CNBD2: variants seen among roughly 807,000 people sequenced by gnomAD.
The protein encoded by CNBD2 is cyclic nucleotide-binding domain-containing protein 2.
CNBD2 carries 64 observed loss-of-function variants against 63.7 expected under a neutral mutation model. The observed-to-expected ratio is 1.00, with a 90% CI of 0.82 to 1.24. The LOEUF is 1.24. CNBD2 is among the 50% of genes most tolerant of loss of function. CNBD2 has a pLI of 0.00. For synonymous variants in CNBD2, 229 were observed against 255.4 expected (o/e 0.90, Z 0.99); for missense variants, 691 against 713.5 (o/e 0.97, Z 0.36).
intron 3 of CNBD2, among the ~76,000 whole-genome samples, chr20:35,976,935 G>A (rs763224914): frequency 2.1e-4 from 32 of 152,060 alleles, no homozygotes; most frequent in Non-Finnish European, 3.8e-4. Flanking sequence ...TCTTCTTGGA[G>A]CCCAGGTATG....
intron 7 of CNBD2, among the ~76,000 whole-genome samples, chr20:35,988,475 A>G (rs941615946): frequency 6.6e-6 from 1 of 152,156 alleles, no homozygotes; most frequent in African/African-American, 2.4e-5. Context: ...CCAACCTTAA[A>G]TTATCTTTAA....
chr20:35,975,859 G>A (rs2056509779), intron 2 of CNBD2, 90 bp from the exon 3 acceptor site: 1 of 1,182,518 alleles, frequency 8.5e-7, no homozygotes, highest in Non-Finnish European at 1.2e-6. Flanking sequence ...GCCCACCATG[G>A]TGGTCCAGGT....
intron 10 of CNBD2, among the ~76,000 whole-genome samples, chr20:36,017,190 CG>C (rs1241487667): frequency 6.6e-6 from 1 of 151,898 alleles, no homozygotes; most frequent in African/African-American, 2.4e-5. Context: ...GAGCAGTGTG[CG>C]GGTGCAGAGG....
chr20:35,993,636 T>G (rs536634769), intron 7 of CNBD2, among the ~76,000 whole-genome samples: 2 of 152,312 alleles, frequency 1.3e-5, no homozygotes, highest in African/African-American at 4.8e-5. Flanking sequence ...TCTTATATGT[T>G]CATAGAGAAA....
intron 10 of CNBD2, among the ~76,000 whole-genome samples, chr20:36,020,270 A>AC (rs2057189966): frequency 6.6e-6 from 1 of 151,976 alleles, no homozygotes; most frequent in Non-Finnish European, 1.5e-5. Flanking sequence ...TTTAATAGAG[A>AC]TGGGGTTTCA....
At chr20:35,961,023 A>G (rs1283481897) in intron 2 of CNBD2, among the ~76,000 whole-genome samples, 1 of 151,556 alleles carries the variant, frequency 6.6e-6, no homozygotes, top group Non-Finnish European at 1.5e-5. Context: ...TCTGCCTCCC[A>G]GGTTCAAGCT....
chr20:36,018,049 C>A (rs926518418), intron 10 of CNBD2, among the ~76,000 whole-genome samples: 2 of 152,244 alleles, frequency 1.3e-5, no homozygotes, highest in African/African-American at 4.8e-5. Flanking sequence ...ATATGCCCCA[C>A]GCCCAGTTTC....
intron 8 of CNBD2, among the ~76,000 whole-genome samples, chr20:35,996,759 C>T (rs909294625): frequency 1.9e-4 from 29 of 152,110 alleles, no homozygotes; most frequent in Non-Finnish European, 3.7e-4. Flanking sequence ...CCGACTGCCT[C>T]GGCCTCCCAG....
chr20:36,014,465 C>T (rs1254452761), intron 10 of CNBD2, among the ~76,000 whole-genome samples: 1 of 150,502 alleles, frequency 6.6e-6, no homozygotes. Flanking sequence ...GAGTAGCTGG[C>T]ATTACAGGCA....
chr20:36,018,974 T>C (rs144299210), intron 10 of CNBD2, among the ~76,000 whole-genome samples: 8 of 152,306 alleles, frequency 5.3e-5, no homozygotes, highest in African/African-American at 1.9e-4. Context: ...AGATATTCCT[T>C]GAGCACCTAC....
At chr20:36,025,708 G>A (rs2057274953) in intron 11 of CNBD2, among the ~76,000 whole-genome samples, 1 of 151,436 alleles carries the variant, frequency 6.6e-6, no homozygotes, top group Non-Finnish European at 1.5e-5. Context: ...CTTTTATAAT[G>A]GGAACAAATA....
intron 8 of CNBD2, among the ~76,000 whole-genome samples, chr20:36,007,821 C>T (rs2057005151): frequency 6.6e-6 from 1 of 152,208 alleles, no homozygotes; most frequent in Non-Finnish European, 1.5e-5. Context: ...CATGCACAGC[C>T]TGTAATTCTT....
At chr20:35,983,879 C>A in intron 4 of CNBD2, 103 bp from the exon 5 acceptor site, 2 of 1,373,214 alleles carry the variant, frequency 1.5e-6, no homozygotes, top group African/African-American at 1.4e-5. Context: ...CAAGTCTGTG[C>A]TCTTATATCC....
At chr20:36,021,763 T>C (rs530669154) in intron 10 of CNBD2, among the ~76,000 whole-genome samples, 3 of 152,308 alleles carry the variant, frequency 2.0e-5, no homozygotes, top group African/African-American at 7.2e-5. Flanking sequence ...CTGTCCCAGG[T>C]GTCTCCTTAA....
intron 8 of CNBD2, among the ~76,000 whole-genome samples, chr20:36,001,648 T>C (rs1215008895): frequency 7.4e-6 from 1 of 135,648 alleles, no homozygotes; most frequent in Non-Finnish European, 1.6e-5. Context: ...GATGGGGCGG[T>C]TGCCAGGCGG....
intron 7 of CNBD2, among the ~76,000 whole-genome samples, chr20:35,989,383 A>T (rs1291679170): frequency 4.6e-5 from 7 of 152,186 alleles, no homozygotes. Context: ...CTCTTTATAG[A>T]TCTCCTCCAC....
At chr20:36,010,167 G>T (rs2057039095) in intron 9 of CNBD2, among the ~76,000 whole-genome samples, 1 of 152,000 alleles carries the variant, frequency 6.6e-6, no homozygotes. Flanking sequence ...CTCATTGCTG[G>T]GCCCAGAGCA....
upstream of CNBD2, among the ~76,000 whole-genome samples, chr20:35,964,000 A>G (rs1451315373): frequency 6.6e-6 from 1 of 152,194 alleles, no homozygotes; most frequent in East Asian, 1.9e-4. Context: ...TATTTAAACC[A>G]AAACACTATG....
At chr20:35,960,562 A>G (rs1337924630) in intron 2 of CNBD2, among the ~76,000 whole-genome samples, 1 of 152,164 alleles carries the variant, frequency 6.6e-6, no homozygotes, top group Non-Finnish European at 1.5e-5. Flanking sequence ...TATGTTGCCC[A>G]GGCTGGCCTC....
Sources: gnomAD v4.1 joint callset for allele counts (sites outside exome capture counted in the v4.1 genomes callset) on GRCh38, gnomAD v4.1.1 for gene constraint, MANE v1.5 for transcripts, NCBI Gene and HGNC (gene_info 2026-07-23, HGNC 2026-07-21) for gene names.